The following TRIM37 variants were observed in gnomAD, a reference collection of about 807,000 sequenced individuals.
The protein encoded by TRIM37 is E3 ubiquitin-protein ligase TRIM37.
Under a neutral mutation model 129.8 loss-of-function variants are expected in TRIM37, and 80 were observed. That is an observed-to-expected ratio of 0.62 (90% CI 0.51 to 0.74). The LOEUF (loss-of-function observed/expected upper bound fraction) is 0.74, where lower values mean the gene tolerates loss of function less well. Ranked by LOEUF, TRIM37 falls within the 30% of genes least tolerant of loss-of-function variation. The probability of loss-of-function intolerance (pLI) is 0.00; values close to 1 mark genes in which losing one functional copy is unlikely to be tolerated. For synonymous variants in TRIM37, 389 were observed against 387.1 expected (o/e 1.00, Z -0.06); for missense variants, 1,054 against 1,176.5 (o/e 0.90, Z 1.52).
At chr17:59,052,978 A>C (rs1292674890) in intron 13 of TRIM37, among the ~76,000 whole-genome samples, 5 of 151,990 alleles carry the variant, frequency 3.3e-5, no homozygotes, top group African/African-American at 1.2e-4. Context: ...AAATCAAATC[A>C]AATCAAATCA....
At chr17:59,056,439 G>A (rs1165166376) in intron 13 of TRIM37, among the ~76,000 whole-genome samples, 2 of 151,930 alleles carry the variant, frequency 1.3e-5, no homozygotes, top group Admixed American at 6.6e-5. Flanking sequence ...AGTTAAGAAA[G>A]TGATAAGGGG....
rs917780918 is a variant in TRIM37, at chr17:59,001,623, C to G, written c.2787G>C (p.Met929Ile). 3.7e-6 allele frequency: 6 copies of G among 1,613,964 alleles called. No individual in the cohort carries two copies. The highest frequency in any genetic ancestry group is 5.1e-6 in the Non-Finnish European group (6 of 1,179,966). ...CTTCATCCGGGGGCTGTGTCATGAC[C>G]ATGAAGGAGTCGTGAAACCCGCCCA... ...TSVGGFHDSFMVMTQPPDEDT... is the reference protein window; with the variant it reads ...TSVGGFHDSFIVMTQPPDEDT... Residue 929 changes from methionine (M) to isoleucine (I), a missense_variant, in exon 23 of 24, where the codon ATG becomes ATC. Around this residue, in one of 3 missense-constraint regions of TRIM37, gnomAD observed 287 missense variants for 274.3 expected, o/e 1.05. Coordinates refer to ENST00000262294, the MANE Select transcript of TRIM37 (RefSeq NM_015294.6).
At chr17:59,051,188 C>A (rs757209157) in intron 14 of TRIM37, 26 bp downstream of exon 14, 14 of 1,470,840 alleles carry the variant, frequency 9.5e-6, no homozygotes, top group South Asian at 1.1e-5. Flanking sequence ...TAGGAAACAC[C>A]AAAACAGAAA....
rs773323237 is a variant in TRIM37, at chr17:59,028,678, A to G, written c.1994T>C (p.Met665Thr). The change falls in exon 19 of 24, where the codon ATG (methionine) becomes ACG (threonine). Residue 665 changes from methionine to threonine, a missense_variant. Around this residue, in one of 3 missense-constraint regions of TRIM37, gnomAD observed 752 missense variants for 870.8 expected, o/e 0.86. Coordinates refer to ENST00000262294, the MANE Select transcript of TRIM37 (RefSeq NM_015294.6). ...CTTTAAATCAGAGGGCACTCGCCAC[A>G]TTGCCTGTTGCTTCCTTTGGTCTTT... is the stretch of plus-strand genomic sequence containing the variant. ...KDKDQRKQQA[M>T]WRVPSDLKML... 8 of 1,614,190 alleles carry G rather than the reference A, an allele frequency of 5.0e-6. No individual in the cohort carries two copies. The South Asian group carries it at 5.5e-5, about 11-fold the overall frequency.
At chr17:59,015,889 G>A (rs2035870895) in intron 20 of TRIM37, 90 bp from the exon 21 acceptor site, 1 of 1,302,644 alleles carries the variant, frequency 7.7e-7, no homozygotes, top group South Asian at 1.2e-5. Flanking sequence ...TGAAACACAA[G>A]GATCACTTGA....
At chr17:59,013,564 A>G (rs949441606) in intron 21 of TRIM37, among the ~76,000 whole-genome samples, 4 of 152,236 alleles carry the variant, frequency 2.6e-5, no homozygotes, top group Non-Finnish European at 4.4e-5. Context: ...TGAAAAATTA[A>G]TAACAGCATG....
At chr17:59,019,047 G>A (rs1024078697) in intron 19 of TRIM37, among the ~76,000 whole-genome samples, 1 of 152,152 alleles carries the variant, frequency 6.6e-6, no homozygotes, top group Non-Finnish European at 1.5e-5. Context: ...ATATACTGCT[G>A]CTGGGAATAT....
chr17:59,015,742 T>A lies in TRIM37; in HGVS notation c.2444A>T (p.His815Leu), dbSNP rs758671709. 13 of 1,614,062 alleles carry A rather than the reference T, an allele frequency of 8.1e-6. No individual in the cohort carries two copies. The highest frequency in any genetic ancestry group is 1.1e-5 in the Non-Finnish European group (13 of 1,180,014). Residue 815 changes from histidine to leucine, a missense_variant, in exon 21 of 24, where the codon CAT becomes CTT. His to Leu is a moderately conservative substitution (Grantham distance 99). This residue lies in a region of TRIM37 where 287 missense variants were observed against 274.3 expected (regional missense o/e 1.05). Transcript: ENST00000262294. ...SRHSSPRALI[H>L]GSIGDILPKT... The stretch of plus-strand genomic sequence containing the variant: ...TGGCAGAATATCACCGATACTGCCA[T>A]GTATCAAGGCTCGGGGAGAACTGTG...
At chr17:59,036,261 G>C (rs918350878) in intron 17 of TRIM37, among the ~76,000 whole-genome samples, 1 of 152,090 alleles carries the variant, frequency 6.6e-6, no homozygotes, top group African/African-American at 2.4e-5. Flanking sequence ...TTAGTTGGGC[G>C]TGGTAGCATC....
intron 14 of TRIM37, among the ~76,000 whole-genome samples, chr17:59,050,956 G>C (rs2040280992): frequency 6.6e-6 from 1 of 151,954 alleles, no homozygotes; most frequent in South Asian, 2.1e-4. Context: ...CTCCAGCCTG[G>C]GCAACAGAGC....
the TRIM37 span, among the ~76,000 whole-genome samples, chr17:58,969,988 G>A: frequency 6.6e-6 from 1 of 152,174 alleles, no homozygotes; most frequent in Non-Finnish European, 1.5e-5. Flanking sequence ...GGATTTGGCA[G>A]GTGAGTTTCA....
At chr17:59,091,577 AATG>A (rs1326796462) in intron 2 of TRIM37, among the ~76,000 whole-genome samples, 6 of 120,452 alleles carry the variant, frequency 5.0e-5, no homozygotes, top group South Asian at 2.3e-4. Context: ...TAATATATAT[AATG>A]TATAATATAT....
In TRIM37 at chr17:59,084,927, T is replaced by A. The variant is rs113766284; in HGVS notation, c.282-838A>T. Among the ~76,000 whole-genome samples, 205 of 152,314 alleles carry A rather than the reference T, an allele frequency of 1.3e-3. 3 individuals are homozygous for A. The highest frequency in any genetic ancestry group is 4.6e-3 in the African/African-American group (191 of 41,568). ...TCTTGGACTTAACACCTATCAGAAC[T>A]GTGAGAAAATAAATTTCTATTGTTT... On this transcript the variant is annotated intron_variant, in intron 4 of 23. Transcript: ENST00000262294.
At chr17:59,097,187 C>G (rs942773898) in intron 2 of TRIM37, among the ~76,000 whole-genome samples, 2 of 152,048 alleles carry the variant, frequency 1.3e-5, no homozygotes, top group African/African-American at 4.8e-5. Context: ...AAACTCTTCC[C>G]CTTAAGATCA....
chr17:59,103,239 T>C (rs1162802209), intron 2 of TRIM37, among the ~76,000 whole-genome samples: 1 of 152,170 alleles, frequency 6.6e-6, no homozygotes, highest in African/African-American at 2.4e-5. Context: ...AAATAAATAA[T>C]TGAAGGGGAA....
At chr17:59,032,817 T>C (rs2038038740) in intron 17 of TRIM37, among the ~76,000 whole-genome samples, 1 of 151,866 alleles carries the variant, frequency 6.6e-6, no homozygotes, top group African/African-American at 2.4e-5. Context: ...AAAATAGAAA[T>C]CTCCCCCAAG....
downstream of TRIM37, among the ~76,000 whole-genome samples, chr17:58,996,268 C>T (rs1406870745): frequency 4.6e-5 from 7 of 151,682 alleles, no homozygotes; most frequent in East Asian, 7.8e-4. Flanking sequence ...TGTCAGAGTT[C>T]GAGACCAGCC....
chr17:59,068,232 G>GA (rs1193963459), intron 9 of TRIM37, among the ~76,000 whole-genome samples: 1 of 152,184 alleles, frequency 6.6e-6, no homozygotes, highest in Non-Finnish European at 1.5e-5. Context: ...ATGAGCTGCT[G>GA]AAAGTGGTAT....
chr17:59,077,164 G>A (rs1186115320), intron 7 of TRIM37, among the ~76,000 whole-genome samples: 1 of 151,614 alleles, frequency 6.6e-6, no homozygotes, highest in African/African-American at 2.4e-5. Flanking sequence ...GCGTGATCTC[G>A]GCTCACTGCA....
Sources: gnomAD v4.1 joint callset for allele counts (sites outside exome capture counted in the v4.1 genomes callset) on GRCh38, gnomAD v4.1.1 for gene constraint, gnomAD v4.1.1 regional missense constraint, MANE v1.5 for transcripts, NCBI Gene and HGNC (gene_info 2026-07-23, HGNC 2026-07-21) for gene names.